Variants in CELSR1 observed in about 807,000 individuals in gnomAD.
CELSR1 encodes adhesion G protein-coupled receptor C1.
A neutral mutation model predicts 249.1 loss-of-function variants in CELSR1; 110 were observed. That is an observed-to-expected ratio of 0.44 (90% CI 0.38 to 0.52). The LOEUF (loss-of-function observed/expected upper bound fraction) is 0.52. Among genes scored for constraint, CELSR1 ranks in the 20% least tolerant of loss-of-function variants. The probability of loss-of-function intolerance (pLI) is 0.00; values close to 1 mark genes in which losing one functional copy is unlikely to be tolerated. For missense variants in CELSR1, 4,109 were observed against 4,296.4 expected, an observed-to-expected ratio of 0.96 and a Z score of 1.22; for synonymous variants, 2,113 against 1,900.0, an observed-to-expected ratio of 1.11 and a Z score of -2.92.
chr22:46,380,314 G>C lies in CELSR1; in HGVS notation c.7256+474C>G, dbSNP rs548323575. Among the ~76,000 whole-genome samples, 5 of 152,232 alleles carry C rather than the reference G, an allele frequency of 3.3e-5. No individual in the cohort carries two copies. Among genetic ancestry groups the C allele is most frequent in the African/African-American group, 1.2e-4 (5 of 41,456 alleles). ...GTGCTGCGGCCAGGTGTGGCCTCTT[G>C]GGGGTGAAGCCAGTCCCCACAGCTA... On this transcript the variant is annotated intron_variant, in intron 22 of 34. Transcript: ENST00000674500. The surrounding 1 kb of genome is among the most constrained non-coding windows in gnomAD (Gnocchi z 5.1).
At chr22:46,507,335 G>T (rs955354212) in intron 1 of CELSR1, among the ~76,000 whole-genome samples, 1 of 152,130 alleles carries the variant, frequency 6.6e-6, no homozygotes, top group Non-Finnish European at 1.5e-5. Context: ...CTGAAGTCGG[G>T]GGGGTAGCCA....
chr22:46,536,204 C>T lies in CELSR1; in HGVS notation c.967G>A (p.Val323Met), dbSNP rs1296568848. The change falls in exon 1 of 35, where the codon GTG becomes ATG. Residue 323 changes from valine to methionine, a missense_variant. This residue lies in a region of CELSR1 where 673 missense variants were observed against 636.8 expected (regional missense o/e 1.06). Transcript: ENST00000674500. Reference sequence around the variant, plus strand: ...GGCGTACTGTAGTCCACGGCTTTCACCCTGAGGACGTGCGTCTCCTTGGTC... The same window carrying T: ...GGCGTACTGTAGTCCACGGCTTTCATCCTGAGGACGTGCGTCTCCTTGGTC... Reference protein sequence around the residue: ...RETKETHVLRVKAVDYSTPPR... With the variant: ...RETKETHVLRMKAVDYSTPPR... The T allele has an allele frequency of 1.2e-6, 2 of 1,612,718 alleles. No homozygotes were observed. The highest frequency in any genetic ancestry group is 1.7e-6 in the Non-Finnish European group (2 of 1,179,970).
At position 46,518,648 on chromosome 22, in the gene CELSR1, A is replaced by G. The variant is rs960065148; in HGVS notation, c.3544+14979T>C. Among the ~76,000 whole-genome samples, 7 of 152,230 alleles carry G rather than the reference A, an allele frequency of 4.6e-5. No homozygotes were observed. The highest frequency in any genetic ancestry group is 1.7e-4 in the African/African-American group (7 of 41,460). On this transcript the variant is annotated intron_variant, in intron 1 of 34. Transcript: ENST00000674500. This position sits in a 1 kb window ranked among gnomAD's most constrained non-coding sequence, Gnocchi z 5.2. ...AAGATGGGGCCAGGCACGGTGGCCC[A>G]CGCCTGTAATCCGAGTGTGGCTGCG...
In CELSR1 at chr22:46,399,950, A is replaced by G; in HGVS notation, c.5227-48T>C. ...GACTGATTGGTACAATGACAATGAA[A>G]GAGAAAACATTTTGCAGTCACTTAA... On this transcript the variant is annotated intron_variant, in intron 9 of 34. Transcript: ENST00000674500. The surrounding 1 kb of genome is among the most constrained non-coding windows in gnomAD (Gnocchi z 5.0). 6.3e-7 allele frequency: 1 copy of G among 1,579,302 alleles called. No homozygotes were observed. The highest frequency in any genetic ancestry group is 1.1e-5 in the South Asian group (1 of 88,472).
chr22:46,477,800 C>T (rs1260922312), intron 1 of CELSR1, among the ~76,000 whole-genome samples: 1 of 152,170 alleles, frequency 6.6e-6, no homozygotes, highest in African/African-American at 2.4e-5. Context: ...GCCACGGCAC[C>T]TGGCCAATGC....
At chr22:46,416,875 A>G (rs1037363037) in intron 5 of CELSR1, among the ~76,000 whole-genome samples, 1 of 151,220 alleles carries the variant, frequency 6.6e-6, no homozygotes, top group South Asian at 2.1e-4. Flanking sequence ...CGAAGTGCTC[A>G]CATTTCTCCA....
Position 46,396,587 on chromosome 22 carries a change from A to G in CELSR1, c.5843+18T>C, listed in dbSNP as rs572532099. The G allele has an allele frequency of 7.1e-6, 11 of 1,544,458 alleles. No individual in the cohort carries two copies. In the South Asian group the frequency reaches 1.3e-4, roughly 18 times the overall value. ...ATGGACTCTGAAGGTGCAGGGAGGCACCAGGGGCTGCTCTTACTTGTTCTC... is the reference window on the plus strand; with the variant it reads ...ATGGACTCTGAAGGTGCAGGGAGGCGCCAGGGGCTGCTCTTACTTGTTCTC... On this transcript the variant is annotated intron_variant, in intron 13 of 34. Transcript: ENST00000674500. The surrounding 1 kb of genome is among the most constrained non-coding windows in gnomAD (Gnocchi z 6.4).
chr22:46,386,946 C>T (rs952818851), intron 18 of CELSR1, among the ~76,000 whole-genome samples: 3 of 152,112 alleles, frequency 2.0e-5, no homozygotes, highest in South Asian at 2.1e-4. Flanking sequence ...TTAGTAGAGA[C>T]GGGGCTTCAC....
chr22:46,365,616 G>A lies in CELSR1; in HGVS notation c.8374C>T (p.Leu2792Phe). 3 of 1,594,490 alleles carry A rather than the reference G, an allele frequency of 1.9e-6. No homozygotes were observed. The highest frequency in any genetic ancestry group is 2.6e-6 in the Non-Finnish European group (3 of 1,171,240). Residue 2792 changes from leucine (L) to phenylalanine (F), a missense_variant, in exon 31 of 35, where the codon CTC (leucine) becomes TTC (phenylalanine). Leu to Phe is a conservative substitution (Grantham distance 22, BLOSUM62 0). Coordinates refer to ENST00000674500, the MANE Select transcript of CELSR1 (RefSeq NM_001378328.1). ...GGATCCTTGCAGCTCCTGGGCATGA[G>A]GGACGCGTCTGGCTCTCCGTGGCTG... ...RGSHGEPDAS[L>F]MPRSCKDPPG... is the part of the protein sequence containing the mutation.
At position 46,399,883 on chromosome 22, in the gene CELSR1, T is replaced by C; in HGVS notation, c.5246A>G (p.Gln1749Arg). 1.2e-6 allele frequency: 2 copies of C among 1,614,000 alleles called. No individual in the cohort carries two copies. The highest frequency in any genetic ancestry group is 1.7e-6 in the Non-Finnish European group (2 of 1,179,950). The change falls in exon 10 of 35, where the codon CAG (glutamine) becomes CGG (arginine). Residue 1749 changes from glutamine to arginine, a missense_variant. By Grantham distance (43) the Gln-to-Arg change is conservative (BLOSUM62 1). Coordinates refer to ENST00000674500, the MANE Select transcript of CELSR1 (RefSeq NM_001378328.1). This position sits in a 1 kb window ranked among gnomAD's most constrained non-coding sequence, Gnocchi z 5.0. ...GGAGGGGCCGTGGGACACCTCAAAC[T>C]GGAGGTAGTTGTTCAGGATCTGGAG... The part of the protein sequence containing the change: ...FRLQILNNYL[Q>R]FEVSHGPSDV...
intron 17 of CELSR1, 114 bp from the exon 18 acceptor site, chr22:46,389,613 C>T (rs2079067726): frequency 8.4e-7 from 1 of 1,195,424 alleles, no homozygotes; most frequent in Admixed American, 2.2e-5. Context: ...CAGAAAGGAA[C>T]TTTAAAAAAT....
chr22:46,363,052 T>C lies in CELSR1; in HGVS notation c.*171A>G. ...AACCAAGACCTTTGTGTCTGGATGA[T>C]CAGTCGGGGGGCTGCCACCATGGGG... On this transcript the variant is annotated 3_prime_UTR_variant, in exon 35 of 35. Coordinates refer to ENST00000674500, the MANE Select transcript of CELSR1 (RefSeq NM_001378328.1). This position sits in a 1 kb window ranked among gnomAD's most constrained non-coding sequence, Gnocchi z 4.3. 7.3e-7 allele frequency: 1 copy of C among 1,378,854 alleles called. No homozygotes were observed. The highest frequency in any genetic ancestry group is 1.0e-6 in the Non-Finnish European group (1 of 985,318). 85.4% of individuals were successfully genotyped at this position (1,378,854 alleles called of 1,614,324 possible).
chr22:46,365,405 G>A (rs1454570536), intron 31 of CELSR1, 25 bp from the exon 32 acceptor site: 4 of 1,610,520 alleles, frequency 2.5e-6, no homozygotes, highest in Non-Finnish European at 3.4e-6. Flanking sequence ...GGGACAGGGA[G>A]GCTCAGGCCC....
chr22:46,376,925 G>A (rs933325547), intron 24 of CELSR1, 136 bp downstream of exon 24: 5 of 872,182 alleles, frequency 5.7e-6, no homozygotes, highest in African/African-American at 3.3e-5. Context: ...GCACGTTCCT[G>A]AAAGGGCATC....
chr22:46,436,531 G>A lies in CELSR1; in HGVS notation c.4407-242C>T, dbSNP rs777707293. 6.6e-6 allele frequency among the ~76,000 whole-genome samples: 1 copy of A among 152,154 alleles called. No individual in the cohort carries two copies. Among genetic ancestry groups the A allele is most frequent in the Non-Finnish European group, 1.5e-5 (1 of 68,026 alleles). On this transcript the variant is annotated intron_variant, in intron 3 of 34. Coordinates refer to ENST00000674500, the MANE Select transcript of CELSR1 (RefSeq NM_001378328.1). This position sits in a 1 kb window ranked among gnomAD's most constrained non-coding sequence, Gnocchi z 5.9. ...GTCTGGTTACTACGGCCTGTAGAAT[G>A]CAAAAAATATCCCATTTGCACAACA... is the stretch of plus-strand genomic sequence containing the variant.
intron 1 of CELSR1, among the ~76,000 whole-genome samples, chr22:46,523,383 G>T (rs567846963): frequency 5.3e-5 from 8 of 152,070 alleles, no homozygotes; most frequent in African/African-American, 9.6e-5. Context: ...ACAAAAATTA[G>T]CTGGGTGTGG....
rs774085419 is a variant in CELSR1, at chr22:46,533,740, T to C, written c.3431A>G (p.Gln1144Arg). Residue 1144 changes from glutamine (Q) to arginine (R), a missense_variant, in exon 1 of 35, where the codon CAG (glutamine) becomes CGG (arginine). By Grantham distance (43) the Gln-to-Arg change is conservative (BLOSUM62 1). Around this residue, in one of 7 missense-constraint regions of CELSR1, gnomAD observed 886 missense variants for 896.5 expected, o/e 0.99. Transcript: ENST00000674500. ...VSDSLNYTFVQGNELRLLLLD... is the reference protein window; with the variant it reads ...VSDSLNYTFVRGNELRLLLLD... ...CAGCAACAGGCGCAGCTCGTTGCCC[T>C]GCACGAAGGTGTAGTTGAGGCTGTC... 5.6e-6 allele frequency: 9 copies of C among 1,613,328 alleles called. No homozygotes were observed. Among genetic ancestry groups the C allele is most frequent in the Non-Finnish European group, 5.9e-6 (7 of 1,180,020 alleles).
intron 9 of CELSR1, among the ~76,000 whole-genome samples, chr22:46,405,348 T>A (rs1418053134): frequency 1.3e-5 from 2 of 150,328 alleles, no homozygotes; most frequent in African/African-American, 4.9e-5. Context: ...TAGCCCCAAC[T>A]ACTCGGGAGG....
chr22:46,418,528 T>C (rs2079429365), intron 5 of CELSR1, among the ~76,000 whole-genome samples: 1 of 152,068 alleles, frequency 6.6e-6, no homozygotes, highest in Admixed American at 6.5e-5. Context: ...TAACATAAAA[T>C]CATAAAGTTG....
Sources: gnomAD v4.1 joint callset for allele counts (sites outside exome capture counted in the v4.1 genomes callset) on GRCh38, gnomAD v4.1.1 for gene constraint, gnomAD v4.1.1 regional missense constraint, Gnocchi (gnomAD v3.1) non-coding constraint, MANE v1.5 for transcripts, NCBI Gene and HGNC (gene_info 2026-07-23, HGNC 2026-07-21) for gene names.